The following ZNF469 variants were observed in gnomAD, a reference collection of about 807,000 sequenced individuals.
ZNF469 encodes the protein zinc finger protein 469.
In ZNF469, 1 loss-of-function variant was observed where a neutral mutation model predicts 1.0. That is an observed-to-expected ratio of 1.00 (90% CI 0.35 to 4.73). The LOEUF is 4.73. Among genes scored for constraint, ZNF469 ranks in the 30% most tolerant of loss-of-function variants. The pLI, the probability that ZNF469 is intolerant of heterozygous loss-of-function variation, is 0.16. For missense variants in ZNF469, 6,100 were observed against 5,356.3 expected (o/e 1.14, Z -4.33); for synonymous variants, 2,703 against 2,363.4 (o/e 1.14, Z -4.17).
chr16:88,133,650 A>G, the ZNF469 span, among the ~76,000 whole-genome samples: 67 of 151,604 alleles, frequency 4.4e-4, no homozygotes, highest in African/African-American at 1.3e-3. Context: ...AATTATAAAT[A>G]AAATAATGAA....
chr16:88,350,418 G>A, the ZNF469 span, among the ~76,000 whole-genome samples: 1 of 152,240 alleles, frequency 6.6e-6, no homozygotes, highest in African/African-American at 2.4e-5. Context: ...GAATCGCCTA[G>A]GGGAGGGCAG....
chr16:88,286,183 CAA>C, the ZNF469 span, among the ~76,000 whole-genome samples: 17 of 152,248 alleles, frequency 1.1e-4, no homozygotes, highest in East Asian at 3.9e-4. Context: ...ATGAGTTTCT[CAA>C]AGTCACAGGT....
Position 88,438,108 on chromosome 16 carries a change from C to T in ZNF469, c.10638C>T (p.Asn3546=). 1.3e-6 allele frequency: 2 copies of T among 1,550,442 alleles called. No individual in the cohort carries two copies. Among genetic ancestry groups the T allele is most frequent in the Non-Finnish European group, 1.7e-6 (2 of 1,146,972 alleles). ...HPIRGCELPS[N]HQECPPPSLS... Reference sequence around the variant, plus strand: ...TCAGAGGTTGTGAGCTGCCATCCAACCACCAGGAGTGTCCCCCGCCGTCTC... The same window carrying T: ...TCAGAGGTTGTGAGCTGCCATCCAATCACCAGGAGTGTCCCCCGCCGTCTC... The change falls in exon 3 of 3, where the codon AAC becomes AAT. Residue 3546 remains asparagine (N), a synonymous_variant. Coordinates refer to ENST00000565624, the MANE Select transcript of ZNF469 (RefSeq NM_001367624.2).
the ZNF469 span, among the ~76,000 whole-genome samples, chr16:88,213,845 C>T: frequency 6.6e-6 from 1 of 152,216 alleles, no homozygotes; most frequent in South Asian, 2.1e-4. Flanking sequence ...TCCCTTTGCT[C>T]CCAGCTTTCC....
chr16:88,437,861 G>T lies in ZNF469; in HGVS notation c.10391G>T (p.Arg3464Leu). The T allele has an allele frequency of 6.5e-7, 1 of 1,538,710 alleles. No homozygotes were observed. Among genetic ancestry groups the T allele is most frequent in the African/African-American group, 1.4e-5 (1 of 72,852 alleles). Residue 3464 changes from arginine to leucine, a missense_variant, in exon 3 of 3, where the codon CGG becomes CTG. Arg to Leu is a moderately radical substitution (Grantham distance 102, BLOSUM62 -2). Transcript: ENST00000565624. ...RRPGAPGQKA[R>L]ALEGTLPSKR... ...CCGGGAGCGCCGGGACAGAAGGCCC[G>T]GGCCCTCGAGGGCACACTGCCCAGC...
At chr16:88,126,306 G>C in the ZNF469 span, among the ~76,000 whole-genome samples, 3 of 148,538 alleles carry the variant, frequency 2.0e-5, no homozygotes, top group African/African-American at 5.0e-5. Flanking sequence ...GTTTGTTTCT[G>C]TCTTTACTGT....
chr16:88,377,762 G>A, the ZNF469 span, among the ~76,000 whole-genome samples: 1 of 152,186 alleles, frequency 6.6e-6, no homozygotes, highest in African/African-American at 2.4e-5. Flanking sequence ...TACCCACACA[G>A]GTCCTCAGGG....
intron 1 of ZNF469, among the ~76,000 whole-genome samples, chr16:88,390,804 C>G (rs1344761963): frequency 1.3e-5 from 2 of 152,062 alleles, no homozygotes; most frequent in African/African-American, 4.8e-5. Flanking sequence ...TCCAAGCATG[C>G]CAGATGGGAG....
At chr16:88,157,752 C>T in the ZNF469 span, among the ~76,000 whole-genome samples, 1 of 152,170 alleles carries the variant, frequency 6.6e-6, no homozygotes, top group African/African-American at 2.4e-5. Context: ...AGCCCCCATC[C>T]CGAGTCTGGG....
the ZNF469 span, among the ~76,000 whole-genome samples, chr16:88,116,594 C>T: frequency 2.3e-4 from 35 of 152,324 alleles, no homozygotes; most frequent in South Asian, 4.1e-4. Flanking sequence ...ACAACCCAAG[C>T]GTCCTTCAGT....
intron 1 of ZNF469, among the ~76,000 whole-genome samples, chr16:88,386,802 C>T (rs923344805): frequency 3.3e-5 from 5 of 152,140 alleles, no homozygotes; most frequent in African/African-American, 9.7e-5. Flanking sequence ...CTGGACAGAG[C>T]GTGGTGGAAG....
At chr16:88,330,833 C>T in the ZNF469 span, among the ~76,000 whole-genome samples, 2 of 152,202 alleles carry the variant, frequency 1.3e-5, no homozygotes, top group Non-Finnish European at 2.9e-5. Flanking sequence ...GTCCTATGAG[C>T]CTCATCCACA....
the ZNF469 span, among the ~76,000 whole-genome samples, chr16:88,296,857 C>G: frequency 1.3e-5 from 2 of 152,194 alleles, no homozygotes; most frequent in Non-Finnish European, 2.9e-5. Flanking sequence ...CACACCCCAC[C>G]GAGGGGAGGG....
the ZNF469 span, among the ~76,000 whole-genome samples, chr16:88,355,497 G>C: frequency 1.3e-5 from 2 of 152,202 alleles, no homozygotes; most frequent in Non-Finnish European, 2.9e-5. Context: ...GCGTGGCGTC[G>C]GTGACCCGGG....
chr16:88,246,937 G>T, the ZNF469 span, among the ~76,000 whole-genome samples: 3 of 149,870 alleles, frequency 2.0e-5, no homozygotes, highest in East Asian at 5.9e-4. Context: ...GTGAGTGAAT[G>T]AGTAAGTGAA....
At chr16:88,412,782 G>A (rs1234556343) in intron 1 of ZNF469, among the ~76,000 whole-genome samples, 1 of 152,224 alleles carries the variant, frequency 6.6e-6, no homozygotes, top group Non-Finnish European at 1.5e-5. Flanking sequence ...CATAAACCAT[G>A]CCGACGGCTT....
rs899515970 is a variant in ZNF469, at chr16:88,430,936, G to A, written c.3466G>A (p.Glu1156Lys). The change falls in exon 3 of 3, where the codon GAG becomes AAG. Residue 1156 changes from glutamate to lysine, a missense_variant. Glu to Lys is a moderately conservative substitution (Grantham distance 56). Transcript: ENST00000565624. ...CGGGGACGGAGCCCCCGCGAACCCC[G>A]AGGAGCCGGGCGGGTCTCGCCCGGG... ...AGGDGAPANP[E>K]EPGGSRPGPG... 105 of 1,535,854 alleles carry A rather than the reference G, an allele frequency of 6.8e-5. No individual in the cohort carries two copies. The highest frequency in any genetic ancestry group is 6.7e-4 in the African/African-American group (49 of 72,762).
chr16:88,393,944 TCTG>T lies in ZNF469; in HGVS notation c.-192+10694_-192+10696del, dbSNP rs546065291. Reference sequence around the variant, plus strand: ...AGGAAGGAGGGGCTCATGCTACACCTCTGCTGTCCGACAGGAGGGGGGTTTGAC... The same window carrying T: ...AGGAAGGAGGGGCTCATGCTACACCTCTGTCCGACAGGAGGGGGGTTTGAC... On this transcript the variant is annotated intron_variant, in intron 1 of 2. Transcript: ENST00000565624. Among the ~76,000 whole-genome samples, 23 of 152,328 alleles carry T rather than the reference TCTG, an allele frequency of 1.5e-4. 2 individuals are homozygous for T. In the South Asian group the frequency reaches 4.3e-3, roughly 29 times the overall value.
chr16:88,288,147 A>C, the ZNF469 span, among the ~76,000 whole-genome samples: 1 of 151,982 alleles, frequency 6.6e-6, no homozygotes, highest in Non-Finnish European at 1.5e-5. Flanking sequence ...ACATTTTGCG[A>C]GTCTCCTTTC....
Sources: gnomAD v4.1 joint callset for allele counts (sites outside exome capture counted in the v4.1 genomes callset) on GRCh38, gnomAD v4.1.1 for gene constraint, MANE v1.5 for transcripts, NCBI Gene and HGNC (gene_info 2026-07-23, HGNC 2026-07-21) for gene names.